Variants in ZBTB37 observed in about 807,000 individuals in gnomAD.
ZBTB37 encodes zinc finger and BTB domain containing 37.
A neutral mutation model predicts 37.7 loss-of-function variants in ZBTB37; 15 were observed. The ratio of observed to expected loss-of-function variants is 0.40; its 90% CI spans 0.27 to 0.61. The LOEUF is 0.61. ZBTB37 is among the 20% of genes least tolerant of loss of function. ZBTB37 has a pLI of 0.44. For missense variants in ZBTB37, 514 were observed against 641.9 expected, an observed-to-expected ratio of 0.80 and a Z score of 2.15; for synonymous variants, 231 against 220.6, an observed-to-expected ratio of 1.05 and a Z score of -0.42.
At chr1:173,878,036 C>G (rs1180098103) in intron 4 of ZBTB37, among the ~76,000 whole-genome samples, 2 of 152,210 alleles carry the variant, frequency 1.3e-5, no homozygotes, top group African/African-American at 4.8e-5. Flanking sequence ...TCAGCATTCA[C>G]TGTCTCAAAC....
chr1:173,897,419 T>C (rs1029285853), exon 4 of ZBTB37: 1 of 152,176 alleles, frequency 6.6e-6, no homozygotes. Flanking sequence ...AAAAGTGAAA[T>C]GTATGTTTTC....
chr1:173,886,362 G>T, exon 5 of ZBTB37: 1 of 575,952 alleles, frequency 1.7e-6, no homozygotes, highest in Non-Finnish European at 2.9e-6. Context: ...TCTAATTCAG[G>T]GATCAACAGC....
chr1:173,885,891 A>G, exon 5 of ZBTB37: 1 of 1,551,864 alleles, frequency 6.4e-7, no homozygotes, highest in South Asian at 1.2e-5. Context: ...CACAGGCAAC[A>G]AGCCCTTTCA....
chr1:173,872,650 T>C (rs541366003), intron 3 of ZBTB37, among the ~76,000 whole-genome samples: 60 of 152,272 alleles, frequency 3.9e-4, no homozygotes, highest in Non-Finnish European at 7.1e-4. Context: ...AACTTACTTA[T>C]GTAACCAGAT....
intron 4 of ZBTB37, among the ~76,000 whole-genome samples, chr1:173,881,722 T>A (rs1462131714): frequency 1.3e-5 from 2 of 152,182 alleles, no homozygotes; most frequent in African/African-American, 4.8e-5. Flanking sequence ...TGAGCATTTT[T>A]TCATGTGTCT....
downstream of ZBTB37, chr1:173,888,163 A>G (rs1032216839): frequency 1.3e-5 from 2 of 152,228 alleles, no homozygotes; most frequent in African/African-American, 4.8e-5. Context: ...ATGATAAGGA[A>G]AAAACTGTCT....
chr1:173,872,908 G>A (rs926000351), intron 3 of ZBTB37, among the ~76,000 whole-genome samples: 1 of 151,912 alleles, frequency 6.6e-6, no homozygotes, highest in Non-Finnish European at 1.5e-5. Context: ...TGGGCCAGCT[G>A]AGGCAGGAGA....
exon 5 of ZBTB37, chr1:173,886,314 C>T (rs192599843): frequency 5.6e-5 from 45 of 808,808 alleles, no homozygotes; most frequent in Non-Finnish European, 6.4e-5. Flanking sequence ...TCTTATTGCC[C>T]GCCTCACACT....
chr1:173,874,648 G>A (rs1655820648), intron 4 of ZBTB37, among the ~76,000 whole-genome samples: 1 of 152,184 alleles, frequency 6.6e-6, no homozygotes, highest in Non-Finnish European at 1.5e-5. Flanking sequence ...ACTGCACCCA[G>A]CCACTGCACC....
chr1:173,870,522 C>T, exon 3 of ZBTB37: 1 of 1,614,208 alleles, frequency 6.2e-7, no homozygotes, highest in Non-Finnish European at 8.5e-7. Context: ...TGGCAGATAT[C>T]ATCAGCTACC....
At chr1:173,897,163 A>G (rs1657082466) in exon 4 of ZBTB37, 1 of 152,020 alleles carries the variant, frequency 6.6e-6, no homozygotes, top group South Asian at 2.1e-4. Context: ...AAGTTTGGCT[A>G]TTTTTTCATG....
intron 4 of ZBTB37, among the ~76,000 whole-genome samples, chr1:173,881,910 C>T (rs938748904): frequency 4.7e-4 from 72 of 151,868 alleles, no homozygotes; most frequent in Non-Finnish European, 8.5e-4. Context: ...AAATATTAGC[C>T]GGGTGTGGTG....
chr1:173,898,635 C>T (rs1657146638), exon 4 of ZBTB37: 1 of 151,992 alleles, frequency 6.6e-6, no homozygotes, highest in Admixed American at 6.6e-5. Flanking sequence ...TCAATATTGT[C>T]ATAATAGTCA....
At chr1:173,873,006 C>CA (rs202221478) in intron 3 of ZBTB37, among the ~76,000 whole-genome samples, 13,948 of 121,724 alleles carry the variant, frequency 0.11, 880 homozygotes, top group East Asian at 0.27. Context: ...GACTCTGTCT[C>CA]AAAAAAAAAA....
At chr1:173,871,746 C>G (rs758602881) in intron 3 of ZBTB37, among the ~76,000 whole-genome samples, 24 of 152,198 alleles carry the variant, frequency 1.6e-4, no homozygotes, top group Non-Finnish European at 2.8e-4. Flanking sequence ...GCTGCTACCA[C>G]AGGCCTGACA....
exon 4 of ZBTB37, chr1:173,896,693 T>C (rs1179282124): frequency 6.6e-6 from 1 of 152,224 alleles, no homozygotes; most frequent in Non-Finnish European, 1.5e-5. Context: ...AGAAATTCCT[T>C]AAGGTTTAGA....
Position 173,885,621 on chromosome 1 carries a change from C to T in ZBTB37, c.1024-15C>T. The T allele has an allele frequency of 2.0e-6, 3 of 1,522,952 alleles. No homozygotes were observed. Among genetic ancestry groups the T allele is most frequent in the African/African-American group, 1.4e-5 (1 of 71,848 alleles). The allele number at this position is 1,522,952 out of a possible 1,614,324, so 94.3% of individuals were successfully genotyped here. On this transcript the variant is annotated splice_polypyrimidine_tract_variant and intron_variant, in intron 4 of 4. Transcript: ENST00000427304. ...ATATTTGTTCTTTCTTGGTTATTTTCCTTACCTGGTACAGGTAGAAGAGTC... is the reference window on the plus strand; with the variant it reads ...ATATTTGTTCTTTCTTGGTTATTTTTCTTACCTGGTACAGGTAGAAGAGTC...
chr1:173,885,807 A>G, exon 5 of ZBTB37: 1 of 1,551,776 alleles, frequency 6.4e-7, no homozygotes. Flanking sequence ...CATGGGGATC[A>G]CACCATTCGT....
At chr1:173,890,073 A>C (rs1397971992), downstream of ZBTB37, 2 of 152,158 alleles carry the variant, frequency 1.3e-5, no homozygotes, top group Non-Finnish European at 2.9e-5. Context: ...TATGTTGCCC[A>C]GGCTGGTCTC....
Sources: allele counts gnomAD v4.1 joint callset (sites outside exome capture counted in the v4.1 genomes callset), GRCh38; gene constraint gnomAD v4.1.1; transcripts MANE v1.5; gene names NCBI Gene and HGNC (gene_info 2026-07-23, HGNC 2026-07-21).